The following LRMDA variants were observed in gnomAD, a reference collection of about 807,000 sequenced individuals.
LRMDA encodes the protein leucine rich melanocyte differentiation associated.
A neutral mutation model predicts 29.8 loss-of-function variants in LRMDA; 18 were observed. That is an observed-to-expected ratio of 0.60 (90% CI 0.42 to 0.90). The LOEUF is 0.90. Ranked by LOEUF, LRMDA falls within the 40% of genes least tolerant of loss-of-function variation. The pLI, the probability that LRMDA is intolerant of heterozygous loss-of-function variation, is 0.00. For synonymous variants in LRMDA, 125 were observed against 109.4 expected (o/e 1.14, Z -0.89); for missense variants, 273 against 273.9 (o/e 1.00, Z 0.02).
intron 2 of LRMDA, among the ~76,000 whole-genome samples, chr10:76,012,616 G>A (rs139883673): frequency 1.3e-3 from 193 of 152,264 alleles, no homozygotes; most frequent in African/African-American, 4.3e-3. Flanking sequence ...GGAACAAAGC[G>A]GGCTGGGATG....
At chr10:76,467,041 T>C (rs1171487858) in intron 6 of LRMDA, among the ~76,000 whole-genome samples, 1 of 152,206 alleles carries the variant, frequency 6.6e-6, no homozygotes, top group Non-Finnish European at 1.5e-5. Flanking sequence ...TTGCCACTCT[T>C]ATAAATAGGA....
At chr10:76,263,233 T>C (rs1024215399) in intron 5 of LRMDA, among the ~76,000 whole-genome samples, 5 of 152,158 alleles carry the variant, frequency 3.3e-5, no homozygotes, top group Admixed American at 6.5e-5. Context: ...CAATATGCTT[T>C]ATTATAATCT....
chr10:75,618,380 C>CTATATATA (rs1471312612), intron 2 of LRMDA, among the ~76,000 whole-genome samples: 26 of 55,282 alleles, frequency 4.7e-4, no homozygotes, highest in African/African-American at 1.5e-3. Context: ...CTCTCTCTCT[C>CTATATATA]TCTATATATA....
intron 2 of LRMDA, among the ~76,000 whole-genome samples, chr10:75,533,814 A>G (rs943639018): frequency 6.6e-6 from 1 of 152,206 alleles, no homozygotes; most frequent in African/African-American, 2.4e-5. Flanking sequence ...CACAGAGTGC[A>G]GAGAGAGTAA....
intron 5 of LRMDA, among the ~76,000 whole-genome samples, chr10:76,210,092 AG>A (rs1023746283): frequency 7.9e-5 from 12 of 152,216 alleles, no homozygotes; most frequent in Non-Finnish European, 2.9e-5. Context: ...GGCAGATCCG[AG>A]CTTTGGCTTA....
Position 76,035,992 on chromosome 10 carries a change from G to A in LRMDA, c.132-16G>A, listed in dbSNP as rs750679632. On this transcript the variant is annotated splice_polypyrimidine_tract_variant and intron_variant, in intron 2 of 6. Transcript: ENST00000611255. ...TTAGTGCAGGATCATTTTTCCTGTT[G>A]CCTTTGTCATTGCAGGTCACTGGAA... 3 of 1,611,102 alleles carry A rather than the reference G, an allele frequency of 1.9e-6. No homozygotes were observed. In the South Asian group the frequency reaches 3.3e-5, roughly 18 times the overall value.
intron 6 of LRMDA, among the ~76,000 whole-genome samples, chr10:76,477,888 T>A (rs1285593573): frequency 2.0e-5 from 3 of 152,082 alleles, no homozygotes; most frequent in Non-Finnish European, 4.4e-5. Context: ...TTACACCTTA[T>A]AGAAAAATTA....
chr10:76,020,436 A>C (rs1847954567), intron 2 of LRMDA, among the ~76,000 whole-genome samples: 1 of 152,238 alleles, frequency 6.6e-6, no homozygotes, highest in African/African-American at 2.4e-5. Flanking sequence ...AAGCACCTGC[A>C]CTTACATTTC....
At chr10:75,831,660 G>T (rs888039870) in intron 2 of LRMDA, among the ~76,000 whole-genome samples, 4 of 152,132 alleles carry the variant, frequency 2.6e-5, no homozygotes, top group Admixed American at 2.6e-4. Context: ...CACATTTCCT[G>T]GCCACATTGC....
intron 6 of LRMDA, among the ~76,000 whole-genome samples, chr10:76,361,355 G>A (rs1292741031): frequency 6.6e-6 from 1 of 152,036 alleles, no homozygotes; most frequent in African/African-American, 2.4e-5. Context: ...ATCTGATAGG[G>A]GTATAACAAT....
chr10:76,162,744 G>A (rs1395084936), intron 5 of LRMDA, among the ~76,000 whole-genome samples: 1 of 152,094 alleles, frequency 6.6e-6, no homozygotes, highest in African/African-American at 2.4e-5. Context: ...CTCTAATCCT[G>A]GGATTACAAT....
intron 5 of LRMDA, among the ~76,000 whole-genome samples, chr10:76,186,679 A>G (rs73286929): frequency 0.12 from 17,715 of 152,190 alleles, 1,578 homozygotes; most frequent in African/African-American, 0.25. Context: ...TTGTCGGTGC[A>G]CATTTATTGG....
intron 2 of LRMDA, among the ~76,000 whole-genome samples, chr10:75,800,906 T>C (rs1843735073): frequency 6.6e-6 from 1 of 152,246 alleles, no homozygotes; most frequent in African/African-American, 2.4e-5. Flanking sequence ...ACCTACTGGC[T>C]GACTACCTTG....
chr10:76,152,852 T>TC, intron 5 of LRMDA, among the ~76,000 whole-genome samples: 1 of 151,954 alleles, frequency 6.6e-6, no homozygotes, highest in Non-Finnish European at 1.5e-5. Context: ...TTTTGGCTTT[T>TC]TTTTTTGAGA....
chr10:75,623,430 C>G (rs550287431), intron 2 of LRMDA, among the ~76,000 whole-genome samples: 5 of 152,288 alleles, frequency 3.3e-5, no homozygotes, highest in Admixed American at 2.0e-4. Context: ...ATTTTTCCTA[C>G]CCTTTCAGTC....
At chr10:75,432,788 A>G (rs1312350565) in intron 1 of LRMDA, among the ~76,000 whole-genome samples, 3 of 152,222 alleles carry the variant, frequency 2.0e-5, no homozygotes, top group African/African-American at 4.8e-5. Context: ...TGTGCAGCCC[A>G]TTAAACTAGC....
At chr10:75,501,694 C>T (rs1845115650) in intron 2 of LRMDA, among the ~76,000 whole-genome samples, 1 of 152,198 alleles carries the variant, frequency 6.6e-6, no homozygotes, top group African/African-American at 2.4e-5. Context: ...TACAAATATA[C>T]ATAACCGAAA....
At chr10:76,480,184 G>C (rs1397781142) in intron 6 of LRMDA, among the ~76,000 whole-genome samples, 2 of 151,852 alleles carry the variant, frequency 1.3e-5, no homozygotes, top group Admixed American at 6.6e-5. Flanking sequence ...CCTGAAATCC[G>C]TGAGTTTCTT....
At chr10:75,771,892 C>T (rs773230650) in intron 2 of LRMDA, among the ~76,000 whole-genome samples, 1 of 151,918 alleles carries the variant, frequency 6.6e-6, no homozygotes, top group Non-Finnish European at 1.5e-5. Context: ...TCTGTGGTTG[C>T]TTCAGGTGGT....
Sources: allele counts gnomAD v4.1 joint callset (sites outside exome capture counted in the v4.1 genomes callset), GRCh38; gene constraint gnomAD v4.1.1; transcripts MANE v1.5; gene names NCBI Gene and HGNC (gene_info 2026-07-23, HGNC 2026-07-21).